FKBP5: variants seen among roughly 807,000 people sequenced by gnomAD.
FKBP5 encodes peptidyl-prolyl cis-trans isomerase FKBP5.
In FKBP5, 23 loss-of-function variants were observed where a neutral mutation model predicts 50.5. The observed-to-expected ratio is 0.46, with a 90% CI of 0.33 to 0.65. The LOEUF (loss-of-function observed/expected upper bound fraction) is 0.65. FKBP5 is among the 30% of genes least tolerant of loss of function. The probability of loss-of-function intolerance (pLI) is 0.02; values close to 1 mark genes in which losing one functional copy is unlikely to be tolerated. For synonymous variants in FKBP5, 176 were observed against 190.6 expected, an observed-to-expected ratio of 0.92 and a Z score of 0.63; for missense variants, 411 against 553.1, an observed-to-expected ratio of 0.74 and a Z score of 2.58.
At chr6:35,580,469 C>A in intron 8 of FKBP5, 1 of 369,304 alleles carries the variant, frequency 2.7e-6, no homozygotes. Context: ...GTCCCTTCAG[C>A]AGGTGTAGTA....
chr6:35,620,538 G>A (rs547234909), intron 3 of FKBP5, among the ~76,000 whole-genome samples: 12 of 151,090 alleles, frequency 7.9e-5, no homozygotes, highest in African/African-American at 2.9e-4. Flanking sequence ...ACACCAGCCT[G>A]GGCAACACAG....
At chr6:35,716,830 T>C (rs545596491) in intron 2 of FKBP5, among the ~76,000 whole-genome samples, 9 of 152,324 alleles carry the variant, frequency 5.9e-5, no homozygotes, top group African/African-American at 2.2e-4. Context: ...GGGACCCTGC[T>C]GCCAGTCCCA....
At chr6:35,673,279 G>A (rs1384511537) in intron 1 of FKBP5, among the ~76,000 whole-genome samples, 16 of 152,184 alleles carry the variant, frequency 1.1e-4, no homozygotes. Context: ...GCTGGGTGCC[G>A]TGGCTCCTGC....
rs1225372978 is a variant in FKBP5, at chr6:35,591,223, G to A, written c.666-3C>T. 8 of 1,593,516 alleles carry A rather than the reference G, an allele frequency of 5.0e-6. No individual in the cohort carries two copies. The highest frequency in any genetic ancestry group is 6.9e-6 in the Non-Finnish European group (8 of 1,164,322). Reference sequence around the variant, plus strand: ...TCCCTGCCTCTCCAAAACCATATCTGAAATGGAGAGTAAAAAATAAAACTT... The same window carrying A: ...TCCCTGCCTCTCCAAAACCATATCTAAAATGGAGAGTAAAAAATAAAACTT... On this transcript the variant is annotated splice_polypyrimidine_tract_variant and splice_region_variant and intron_variant, in intron 6 of 10. Coordinates refer to ENST00000357266, the MANE Select transcript of FKBP5 (RefSeq NM_004117.4).
At position 35,613,188 on chromosome 6, in the gene FKBP5, C is replaced by T. The variant is rs570521120; in HGVS notation, c.508+5908G>A. On this transcript the variant is annotated intron_variant, in intron 5 of 10. Coordinates refer to ENST00000357266, the MANE Select transcript of FKBP5 (RefSeq NM_004117.4). ...CTATTGTTCTTGTTCACTCTATAGCCGGCTTTAGTTCCAGGTTTTATTTAT... is the reference window on the plus strand; with the variant it reads ...CTATTGTTCTTGTTCACTCTATAGCTGGCTTTAGTTCCAGGTTTTATTTAT... 1.4e-4 allele frequency among the ~76,000 whole-genome samples: 22 copies of T among 152,144 alleles called. 1 individual carries two copies. The highest frequency in any genetic ancestry group is 1.4e-3 in the East Asian group (7 of 5,178).
At position 35,575,006 on chromosome 6, in the gene FKBP5, G is replaced by C. The variant is rs566315207; in HGVS notation, c.*829C>G. On this transcript the variant is annotated 3_prime_UTR_variant, in exon 11 of 11. Transcript: ENST00000357266. ...TGAATATTATTCCCTAAAAGGAATA[G>C]AGGAGGGGAGAAAAAGCACAATTCT... 3 of 152,220 alleles carry C rather than the reference G, an allele frequency of 2.0e-5. No individual in the cohort carries two copies. Among genetic ancestry groups the C allele is most frequent in the Non-Finnish European group, 4.4e-5 (3 of 68,042 alleles). The allele number at this position is 152,220 out of a possible 1,614,324, so 9.4% of individuals were successfully genotyped here. A position where few individuals can be genotyped will look rare whatever the true frequency, so the allele number is the denominator to read the frequency against.
intron 1 of FKBP5, among the ~76,000 whole-genome samples, chr6:35,676,323 T>C (rs1468319105): frequency 1.3e-5 from 2 of 152,242 alleles, no homozygotes; most frequent in African/African-American, 4.8e-5. Flanking sequence ...AAACAGCCCC[T>C]GAAAAATCAT....
chr6:35,605,383 CTTTTTTTTTTTTTTTTT>C (rs1158530509), intron 5 of FKBP5, among the ~76,000 whole-genome samples: 11 of 52,312 alleles, frequency 2.1e-4, no homozygotes, highest in African/African-American at 4.9e-4. Flanking sequence ...ATGACAATAT[CTTTTTTTTTTTTTTTTT>C]TTTTTTTTTT....
chr6:35,582,853 G>C (rs1762477716), intron 8 of FKBP5: 1 of 980,652 alleles, frequency 1.0e-6, no homozygotes, highest in African/African-American at 1.8e-5. Context: ...GAATATTCAG[G>C]GTTTAGCACC....
chr6:35,642,814 T>G lies in FKBP5; in HGVS notation c.11A>C (p.Asp4Ala), dbSNP rs748566552. Residue 4 changes from aspartate (D) to alanine (A), a missense_variant, in exon 2 of 11, where the codon GAT becomes GCT. By Grantham distance (126) the Asp-to-Ala change is moderately radical. Around this residue, in one of 3 missense-constraint regions of FKBP5, gnomAD observed 56 missense variants for 58.2 expected, o/e 0.96. Transcript: ENST00000357266. MTT[D>A]EGAKNNEESP... ...TTCTTCATTGTTCTTGGCACCTTCA[T>G]CAGTAGTCATTGTCTTTTAAGTAGA... The G allele has an allele frequency of 6.2e-7, 1 of 1,613,612 alleles. No homozygotes were observed. The highest frequency in any genetic ancestry group is 1.1e-5 in the South Asian group (1 of 91,022).
intron 3 of FKBP5, among the ~76,000 whole-genome samples, chr6:35,628,093 A>G (rs1764054629): frequency 6.6e-6 from 1 of 151,796 alleles, no homozygotes; most frequent in Non-Finnish European, 1.5e-5. Flanking sequence ...TTCTTATGGG[A>G]AGGTTTCTAA....
chr6:35,700,384 C>T (rs1766158835), intron 2 of FKBP5, among the ~76,000 whole-genome samples: 1 of 152,210 alleles, frequency 6.6e-6, no homozygotes, highest in South Asian at 2.1e-4. Flanking sequence ...AACATCACTA[C>T]CACTATATTC....
At chr6:35,719,685 C>T (rs144412344) in intron 2 of FKBP5, among the ~76,000 whole-genome samples, 10 of 152,296 alleles carry the variant, frequency 6.6e-5, no homozygotes, top group Admixed American at 1.3e-4. Flanking sequence ...CACCTCGACT[C>T]CAGACACCAT....
intron 1 of FKBP5, among the ~76,000 whole-genome samples, chr6:35,662,589 CA>C: frequency 6.6e-6 from 1 of 151,882 alleles, no homozygotes. Flanking sequence ...TGGCTGTGTC[CA>C]AATATATTTC....
intron 1 of FKBP5, among the ~76,000 whole-genome samples, chr6:35,725,820 T>G (rs1766697986): frequency 6.6e-6 from 1 of 152,222 alleles, no homozygotes; most frequent in African/African-American, 2.4e-5. Flanking sequence ...CCAGCCTTTT[T>G]GAGAGCTGTG....
At chr6:35,654,744 C>G (rs1026831041) in intron 1 of FKBP5, among the ~76,000 whole-genome samples, 2 of 152,206 alleles carry the variant, frequency 1.3e-5, no homozygotes, top group Non-Finnish European at 2.9e-5. Flanking sequence ...CCTGCCTCAG[C>G]CTCCTGAGTA....
chr6:35,618,657 T>C (rs1012463414), intron 5 of FKBP5, among the ~76,000 whole-genome samples: 11 of 152,238 alleles, frequency 7.2e-5, no homozygotes, highest in African/African-American at 2.4e-4. Context: ...ATTACAGGCA[T>C]GAGCCACTGT....
chr6:35,582,965 T>C lies in FKBP5; in HGVS notation c.841-2744A>G. ...AAAGTGGTGTGGTGGCTCACGCCTA[T>C]AGTCCCAGCACTTTGGGAAGCTGAG... On this transcript the variant is annotated intron_variant, in intron 8 of 10. Transcript: ENST00000357266. 3 of 815,572 alleles carry C rather than the reference T, an allele frequency of 3.7e-6. No individual in the cohort carries two copies. The African/African-American group carries it at 5.6e-5, about 15-fold the overall frequency. The allele number at this position is 815,572 out of a possible 1,614,324, so 50.5% of individuals were successfully genotyped here.
intron 3 of FKBP5, among the ~76,000 whole-genome samples, chr6:35,625,460 G>T (rs907469710): frequency 6.6e-6 from 1 of 151,670 alleles, no homozygotes; most frequent in African/African-American, 2.4e-5. Flanking sequence ...AGAATAGGCC[G>T]GTGCAGTGGC....
Sources: allele counts gnomAD v4.1 joint callset (sites outside exome capture counted in the v4.1 genomes callset), GRCh38; gene constraint gnomAD v4.1.1; regional missense constraint gnomAD v4.1.1; transcripts MANE v1.5; gene names NCBI Gene and HGNC (gene_info 2026-07-23, HGNC 2026-07-21).